Variants in CHRNA1 observed in about 807,000 individuals in gnomAD.
CHRNA1 encodes the protein cholinergic receptor nicotinic alpha 1 subunit, also known as acetylcholine receptor subunit alpha.
Under a neutral mutation model 47.1 loss-of-function variants are expected in CHRNA1, and 35 were observed. That is an observed-to-expected ratio of 0.74 (90% CI 0.57 to 0.99). CHRNA1 has a LOEUF of 0.99. Ranked by LOEUF, CHRNA1 falls within the 50% of genes least tolerant of loss-of-function variation. CHRNA1 has a pLI of 0.00. For synonymous variants in CHRNA1, 229 were observed against 223.6 expected, an observed-to-expected ratio of 1.02 and a Z score of -0.22; for missense variants, 506 against 591.1, an observed-to-expected ratio of 0.86 and a Z score of 1.49.
intron 4 of CHRNA1, among the ~76,000 whole-genome samples, chr2:174,754,882 C>CTTTTTTTTTTT (rs34233623): frequency 8.3e-6 from 1 of 120,414 alleles, no homozygotes; most frequent in Non-Finnish European, 1.7e-5. Context: ...GCCTACTACT[C>CTTTTTTTTTTT]TTTTTTTTTT....
chr2:174,757,614 T>C lies in CHRNA1; in HGVS notation c.296A>G (p.His99Arg). ...PDDYGGVKKI[H>R]IPSEKIWRPD... ...GCGCCAGATCTTTTCTGAAGGAATG[T>C]GAATTTTTTTCACACCGCCATAGTC... The change falls in exon 4 of 9, where the codon CAC becomes CGC. Residue 99 changes from histidine to arginine, a missense_variant. Transcript: ENST00000348749. 6.2e-7 allele frequency: 1 copy of C among 1,614,200 alleles called. No homozygotes were observed. Among genetic ancestry groups the C allele is most frequent in the Non-Finnish European group, 8.5e-7 (1 of 1,180,034 alleles).
At position 174,759,929 on chromosome 2, in the gene CHRNA1, T is replaced by TACACACACACACAC. The variant is rs5836472; in HGVS notation, c.44-310_44-297dup. 3.1e-3 allele frequency among the ~76,000 whole-genome samples: 440 copies of TACACACACACACAC among 144,072 alleles called. 7 individuals carry two copies. Among genetic ancestry groups the TACACACACACACAC allele is most frequent in the African/African-American group, 0.011 (417 of 37,826 alleles). 94.5% of individuals were successfully genotyped at this position (144,072 alleles called of 152,430 possible). A position where few individuals can be genotyped will look rare whatever the true frequency, so the allele number is the denominator to read the frequency against. Reference sequence around the variant, plus strand: ...GCCTGGCTGAATCAAGTTTGCCAGGTACACACACACACACACACACACACA... The same window carrying TACACACACACACAC: ...GCCTGGCTGAATCAAGTTTGCCAGGTACACACACACACACACACACACACACACACACACACACA... On this transcript the variant is annotated intron_variant, in intron 1 of 8. Transcript: ENST00000348749.
intron 3 of CHRNA1, 63 bp from the exon 4 acceptor site, chr2:174,757,738 C>A: frequency 7.1e-7 from 1 of 1,415,598 alleles, no homozygotes; most frequent in Non-Finnish European, 1.0e-6. Flanking sequence ...CTAAGGTTAT[C>A]AAGAGCCCTG....
intron 4 of CHRNA1, among the ~76,000 whole-genome samples, chr2:174,754,795 T>TG (rs933323465): frequency 8.6e-5 from 13 of 151,440 alleles, no homozygotes; most frequent in Non-Finnish European, 1.3e-4. Flanking sequence ...TGTACTATGT[T>TG]GGGGAAAAAA....
Position 174,757,393 on chromosome 2 carries a change from C to T in CHRNA1, c.344+173G>A, listed in dbSNP as rs1274065270. 2.0e-5 allele frequency among the ~76,000 whole-genome samples: 3 copies of T among 151,986 alleles called. No individual in the cohort carries two copies. The East Asian group carries it at 5.8e-4, about 29-fold the overall frequency. ...CTGATCTCAAACTCCTGGCCTCAAG[C>T]AATCCTCCCACCTTGGCCTCCCAAA... On this transcript the variant is annotated intron_variant, in intron 4 of 8. Transcript: ENST00000348749.
intron 8 of CHRNA1, 39 bp from the exon 9 acceptor site, chr2:174,748,294 G>T (rs1165134947): frequency 1.2e-6 from 2 of 1,612,904 alleles, no homozygotes; most frequent in Middle Eastern, 1.8e-4. Flanking sequence ...TCTCCCTAAG[G>T]TGGTTTCTGG....
In CHRNA1 at chr2:174,759,350, G is replaced by A; in HGVS notation, c.215C>T (p.Thr72Ile). 1.2e-6 allele frequency: 2 copies of A among 1,613,966 alleles called. No homozygotes were observed. The highest frequency in any genetic ancestry group is 1.7e-6 in the Non-Finnish European group (2 of 1,179,988). ...AGTTACCTGTTTCAGACGCACATTG[G>A]TTGTCACGATCTGATTTACTTCATC... Reference protein sequence around the residue: ...NVDEVNQIVTTNVRLKQQWVD... With the variant: ...NVDEVNQIVTINVRLKQQWVD... The change falls in exon 3 of 9, where the codon ACC (threonine) becomes ATC (isoleucine). Residue 72 changes from threonine (T) to isoleucine (I), a missense_variant. Physicochemically the swap from Thr to Ile is moderately conservative, Grantham distance 89 (BLOSUM62 -1). Transcript: ENST00000348749.
intron 7 of CHRNA1, 130 bp from the exon 8 acceptor site, chr2:174,748,949 T>A: frequency 8.2e-7 from 1 of 1,223,316 alleles, no homozygotes; most frequent in Non-Finnish European, 1.1e-6. Context: ...TCCTTGTCCT[T>A]AAAACAAAAG....
chr2:174,762,292 T>C (rs2105353974), intron 1 of CHRNA1, among the ~76,000 whole-genome samples: 1 of 152,334 alleles, frequency 6.6e-6, no homozygotes, highest in Non-Finnish European at 1.5e-5. Context: ...AACTCCCATA[T>C]GGCCTGGAGA....
Position 174,747,965 on chromosome 2 carries a change from G to A in CHRNA1, c.*159C>T. ...AGAAGCAATATGAAAACACTTCAAG[G>A]CCATAAACTTACATAAAGGTAAATC... On this transcript the variant is annotated 3_prime_UTR_variant, in exon 9 of 9. Coordinates refer to ENST00000348749, the MANE Select transcript of CHRNA1 (RefSeq NM_000079.4). The A allele has an allele frequency of 2.2e-6, 2 of 923,120 alleles. No individual in the cohort carries two copies. The highest frequency in any genetic ancestry group is 3.3e-6 in the Non-Finnish European group (2 of 597,334). The allele number at this position is 923,120 out of a possible 1,614,324, so 57.2% of individuals were successfully genotyped here. A position where few individuals can be genotyped will look rare whatever the true frequency, so the allele number is the denominator to read the frequency against.
chr2:174,760,414 A>G (rs1684080471), intron 1 of CHRNA1, among the ~76,000 whole-genome samples: 1 of 152,232 alleles, frequency 6.6e-6, no homozygotes, highest in Admixed American at 6.5e-5. Context: ...ACATGGATGG[A>G]GCTTGGAAAC....
intron 4 of CHRNA1, among the ~76,000 whole-genome samples, chr2:174,756,583 G>T (rs1317309616): frequency 6.6e-6 from 1 of 152,188 alleles, no homozygotes; most frequent in African/African-American, 2.4e-5. Flanking sequence ...GATTTTAATT[G>T]CTCTTCTCAG....
intron 1 of CHRNA1, among the ~76,000 whole-genome samples, chr2:174,761,546 C>T (rs974782730): frequency 1.3e-5 from 2 of 152,150 alleles, no homozygotes; most frequent in African/African-American, 4.8e-5. Context: ...AACTCCTGAG[C>T]TCAAGCCATC....
chr2:174,755,859 C>A (rs1683972434), intron 4 of CHRNA1, among the ~76,000 whole-genome samples: 1 of 152,084 alleles, frequency 6.6e-6, no homozygotes, highest in Non-Finnish European at 1.5e-5. Context: ...AACAGCGAGA[C>A]CTCATCTCTA....
rs779253132 is a variant in CHRNA1 at position 174,759,393 on chromosome 2, G to GATCATTTTT, written c.190-27_190-19dup. 6.2e-7 allele frequency: 1 copy of GATCATTTTT among 1,613,882 alleles called. No individual in the cohort carries two copies. The highest frequency in any genetic ancestry group is 8.5e-7 in the Non-Finnish European group (1 of 1,179,934). ...ACTTCATCCTGGAAAAAAAAATAAG[G>GATCATTTTT]ATCATTTTTATGGGGGAGAGAGGGG... is the stretch of plus-strand genomic sequence containing the variant. On this transcript the variant is annotated intron_variant, in intron 2 of 8. Coordinates refer to ENST00000348749, the MANE Select transcript of CHRNA1 (RefSeq NM_000079.4).
rs1206611410 is a variant in CHRNA1, at chr2:174,748,194, A to T, written c.1304T>A (p.Met435Lys). ...TAGGGTTCCGATGATGCAAACAAGCATGAAGACTCCGAGGAGTATGTGGTC... is the reference window on the plus strand; with the variant it reads ...TAGGGTTCCGATGATGCAAACAAGCTTGAAGACTCCGAGGAGTATGTGGTC... ...VMDHILLGVF[M>K]LVCIIGTLAV... The change falls in exon 9 of 9, where the codon ATG (methionine) becomes AAG (lysine). Residue 435 changes from methionine to lysine, a missense_variant. By Grantham distance (95) the Met-to-Lys change is moderately conservative (BLOSUM62 -1). Transcript: ENST00000348749. 6.2e-7 allele frequency: 1 copy of T among 1,614,172 alleles called. No individual in the cohort carries two copies. Among genetic ancestry groups the T allele is most frequent in the South Asian group, 1.1e-5 (1 of 91,080 alleles).
chr2:174,759,135 C>G (rs1243034976), intron 3 of CHRNA1, among the ~76,000 whole-genome samples, 196 bp downstream of exon 3: 1 of 152,106 alleles, frequency 6.6e-6, no homozygotes, highest in African/African-American at 2.4e-5. Context: ...AGCAAACTAA[C>G]ACACACAGAA....
intron 5 of CHRNA1, 90 bp from the exon 6 acceptor site, chr2:174,753,830 T>C: frequency 8.2e-7 from 1 of 1,219,758 alleles, no homozygotes; most frequent in East Asian, 2.4e-5. Context: ...GGCCACAGAT[T>C]CCAGCTCTGT....
intron 6 of CHRNA1, 98 bp downstream of exon 6, chr2:174,753,405 C>A: frequency 1.7e-6 from 2 of 1,194,560 alleles, no homozygotes; most frequent in Non-Finnish European, 2.5e-6. Flanking sequence ...TCGGGTCGAT[C>A]TGCCTGTTTG....
Sources: gnomAD v4.1 joint callset for allele counts (sites outside exome capture counted in the v4.1 genomes callset) on GRCh38, gnomAD v4.1.1 for gene constraint, MANE v1.5 for transcripts, NCBI Gene and HGNC (gene_info 2026-07-23, HGNC 2026-07-21) for gene names.